BBS9: variants seen among roughly 807,000 people sequenced by gnomAD.
The protein encoded by BBS9 is protein PTHB1.
BBS9 carries 89 observed loss-of-function variants against 117.7 expected under a neutral mutation model. The ratio of observed to expected loss-of-function variants is 0.76; its 90% confidence interval spans 0.64 to 0.90. BBS9 has a LOEUF of 0.90. Ranked by LOEUF, BBS9 falls within the 40% of genes least tolerant of loss-of-function variation. The pLI, the probability that BBS9 is intolerant of heterozygous loss-of-function variation, is 0.00. For missense variants in BBS9, 982 were observed against 1,042.2 expected, an observed-to-expected ratio of 0.94 and a Z score of 0.80; for synonymous variants, 379 against 370.9, an observed-to-expected ratio of 1.02 and a Z score of -0.25.
chr7:33,534,437 C>G (rs925807765), intron 21 of BBS9: 4 of 522,456 alleles, frequency 7.7e-6, no homozygotes, highest in Non-Finnish European at 3.5e-6. Context: ...TGTTTTGCTT[C>G]TAACTAATAA....
intron 19 of BBS9, among the ~76,000 whole-genome samples, chr7:33,388,521 A>T (rs1439217374): frequency 6.6e-6 from 1 of 152,232 alleles, no homozygotes. Flanking sequence ...AATTATTACC[A>T]TAATTCTCCA....
intron 4 of BBS9, among the ~76,000 whole-genome samples, chr7:33,159,045 T>A (rs987730459): frequency 6.6e-6 from 1 of 152,040 alleles, no homozygotes; most frequent in Non-Finnish European, 1.5e-5. Flanking sequence ...CCTCCTTTGA[T>A]TGGCCAAAAC....
At chr7:33,212,622 T>C (rs1449640173) in intron 5 of BBS9, among the ~76,000 whole-genome samples, 1 of 152,166 alleles carries the variant, frequency 6.6e-6, no homozygotes, top group East Asian at 1.9e-4. Flanking sequence ...TGTTTGTCAG[T>C]GTCTGGGCAT....
intron 1 of BBS9, among the ~76,000 whole-genome samples, chr7:33,141,188 C>A (rs151201454): frequency 6.6e-6 from 1 of 151,896 alleles, no homozygotes; most frequent in East Asian, 1.9e-4. Context: ...TTTGGGAGGC[C>A]GAGATGGGTG....
chr7:33,330,840 A>T (rs1245080314), intron 9 of BBS9, among the ~76,000 whole-genome samples: 3 of 152,210 alleles, frequency 2.0e-5, no homozygotes, highest in Non-Finnish European at 4.4e-5. Flanking sequence ...ACCGATAATA[A>T]TTCAGAGACC....
At chr7:33,431,486 C>G (rs981954624) in intron 19 of BBS9, among the ~76,000 whole-genome samples, 4 of 152,066 alleles carry the variant, frequency 2.6e-5, no homozygotes, top group Non-Finnish European at 4.4e-5. Flanking sequence ...AAGGTGGAGC[C>G]TTAGGGAGGT....
At chr7:33,491,347 T>A (rs1429028504) in intron 19 of BBS9, among the ~76,000 whole-genome samples, 1 of 152,156 alleles carries the variant, frequency 6.6e-6, no homozygotes, top group Non-Finnish European at 1.5e-5. Context: ...ATTAAAGTGT[T>A]TATCAAAAAT....
intron 20 of BBS9, among the ~76,000 whole-genome samples, chr7:33,524,602 T>G (rs1849178624): frequency 6.6e-6 from 1 of 152,198 alleles, no homozygotes; most frequent in Admixed American, 6.5e-5. Flanking sequence ...GATATCCCCT[T>G]TATCATTTTT....
chr7:33,316,714 C>A (rs974458000), intron 9 of BBS9, among the ~76,000 whole-genome samples: 2 of 152,050 alleles, frequency 1.3e-5, no homozygotes, highest in African/African-American at 2.4e-5. Context: ...ATATTCATGT[C>A]TTTTGCCCAG....
intron 19 of BBS9, among the ~76,000 whole-genome samples, chr7:33,467,854 T>C (rs1258536246): frequency 6.6e-6 from 1 of 152,110 alleles, no homozygotes; most frequent in African/African-American, 2.4e-5. Flanking sequence ...TTTTTGTTCA[T>C]GTGGGGGAGG....
At chr7:33,352,753 T>G (rs144883876) in intron 14 of BBS9, 106 bp from the exon 15 acceptor site, 46 of 1,304,154 alleles carry the variant, frequency 3.5e-5, no homozygotes, top group South Asian at 8.3e-5. Context: ...AAATTTTAAT[T>G]TGTATTTTAA....
chr7:33,616,493 G>GTATATATATATATATATATATATA (rs66529823), intron 21 of BBS9, among the ~76,000 whole-genome samples: 8 of 136,412 alleles, frequency 5.9e-5, no homozygotes, highest in African/African-American at 2.1e-4. Context: ...GTGTGTGTGT[G>GTATATATATATATATATATATATA]TATATATATA....
At chr7:33,386,488 AT>A (rs1826039301) in intron 18 of BBS9, among the ~76,000 whole-genome samples, 1 of 149,146 alleles carries the variant, frequency 6.7e-6, no homozygotes. Context: ...TTATTTATTT[AT>A]TTATTTATTT....
intron 21 of BBS9, chr7:33,534,477 A>G: frequency 2.2e-6 from 1 of 446,432 alleles, no homozygotes; most frequent in East Asian, 4.6e-5. Flanking sequence ...ACTATTTTTA[A>G]GAAAAAGTTT....
chr7:33,194,520 G>C (rs1784639408), intron 5 of BBS9, among the ~76,000 whole-genome samples: 1 of 149,248 alleles, frequency 6.7e-6, no homozygotes, highest in Non-Finnish European at 1.5e-5. Flanking sequence ...ATTTTTTAAA[G>C]GGTCTTTAAA....
intron 4 of BBS9, among the ~76,000 whole-genome samples, chr7:33,175,091 G>T (rs1477640881): frequency 1.3e-5 from 2 of 152,118 alleles, no homozygotes; most frequent in Non-Finnish European, 2.9e-5. Flanking sequence ...AACACCTGAG[G>T]TCAGGAGTTT....
chr7:33,153,693 G>A (rs919511900), intron 3 of BBS9, among the ~76,000 whole-genome samples: 1 of 152,158 alleles, frequency 6.6e-6, no homozygotes, highest in African/African-American at 2.4e-5. Context: ...CCACTCATGA[G>A]CATTCACATT....
Position 33,129,624 on chromosome 7 carries a change from G to C in BBS9, c.-429G>C, listed in dbSNP as rs184271281. The C allele has an allele frequency of 1.1e-3, 165 of 153,324 alleles. 3 individuals are homozygous for C. The East Asian group carries it at 0.029, about 27-fold the overall frequency. The allele number at this position is 153,324 out of a possible 1,614,324, so 9.5% of individuals were successfully genotyped here. A position where few individuals can be genotyped will look rare whatever the true frequency, so the allele number is the denominator to read the frequency against. On this transcript the variant is annotated 5_prime_UTR_variant, in exon 1 of 23. Coordinates refer to ENST00000242067, the MANE Select transcript of BBS9 (RefSeq NM_198428.3). ...AGAGGGGAGGTGTCCCTTCCGCTGC[G>C]GCCGTCGGGTTTCTGCTACATCCCA...
intron 1 of BBS9, among the ~76,000 whole-genome samples, chr7:33,138,547 G>A (rs906009279): frequency 2.7e-5 from 4 of 145,966 alleles, no homozygotes; most frequent in Non-Finnish European, 6.1e-5. Flanking sequence ...GAGTAGCAAG[G>A]GACCAAACTC....
Sources: gnomAD v4.1 joint callset for allele counts (sites outside exome capture counted in the v4.1 genomes callset) on GRCh38, gnomAD v4.1.1 for gene constraint, MANE v1.5 for transcripts, NCBI Gene and HGNC (gene_info 2026-07-23, HGNC 2026-07-21) for gene names.